Variants in LRIG3 observed in about 807,000 individuals in gnomAD.
LRIG3 encodes leucine rich repeats and immunoglobulin like domains 3, also known as leucine-rich repeats and immunoglobulin-like domains protein 3.
Under a neutral mutation model 114.5 loss-of-function variants are expected in LRIG3, and 76 were observed. The ratio of observed to expected loss-of-function variants is 0.66; its 90% CI spans 0.55 to 0.80. The LOEUF is 0.80. Ranked by LOEUF, LRIG3 falls within the 30% of genes least tolerant of loss-of-function variation. The pLI, the probability that LRIG3 is intolerant of heterozygous loss-of-function variation, is 0.00. For synonymous variants in LRIG3, 512 were observed against 519.8 expected, an observed-to-expected ratio of 0.98 and a Z score of 0.20; for missense variants, 1,239 against 1,382.8, an observed-to-expected ratio of 0.90 and a Z score of 1.65.
At chr12:58,896,329 A>G (rs951774262) in intron 3 of LRIG3, among the ~76,000 whole-genome samples, 1 of 152,220 alleles carries the variant, frequency 6.6e-6, no homozygotes, top group Non-Finnish European at 1.5e-5. Flanking sequence ...AAGTGTCTCA[A>G]AAGAACCTTC....
At position 58,872,710 on chromosome 12, in the gene LRIG3, GGAA is replaced by G; in HGVS notation, c.3219_3221del (p.Ser1074del). ...CCTCTGACCCAGAGTCCAAGTCTGG[GGAA>G]GAATGAGCTTTCAAATAAAAGGCTC... On this transcript the variant is annotated inframe_deletion, in exon 19 of 19. Coordinates refer to ENST00000320743, the MANE Select transcript of LRIG3 (RefSeq NM_153377.5). The G allele has an allele frequency of 6.2e-7, 1 of 1,614,044 alleles. No individual in the cohort carries two copies. The highest frequency in any genetic ancestry group is 8.5e-7 in the Non-Finnish European group (1 of 1,179,970).
In LRIG3 at chr12:58,883,568, A is replaced by C. The variant is rs1332820205; in HGVS notation, c.1268T>G (p.Met423Arg). 4 of 1,551,696 alleles carry C rather than the reference A, an allele frequency of 2.6e-6. No homozygotes were observed. Among genetic ancestry groups the C allele is most frequent in the Non-Finnish European group, 3.5e-6 (4 of 1,136,012 alleles). The change falls in exon 11 of 19, where the codon ATG (methionine) becomes AGG (arginine). Residue 423 changes from methionine (M) to arginine (R), a missense_variant. Met to Arg is a moderately conservative substitution (Grantham distance 91). Coordinates refer to ENST00000320743, the MANE Select transcript of LRIG3 (RefSeq NM_153377.5). The stretch of plus-strand genomic sequence containing the variant: ...TGAAAATGCATTGCCTTGTAAAGAC[A>C]TGATTGCGTTGTCACTCAGGTCTCT... ...EHLDLSDNAI[M>R]SLQGNAFSQM...
intron 16 of LRIG3, 23 bp downstream of exon 16, chr12:58,876,422 C>T (rs1870917672): frequency 3.7e-6 from 6 of 1,610,074 alleles, no homozygotes; most frequent in Non-Finnish European, 5.1e-6. Context: ...CAATTACAGC[C>T]CACATTCATT....
chr12:58,886,658 C>T (rs1430643450), intron 9 of LRIG3, 152 bp downstream of exon 9: 1 of 562,454 alleles, frequency 1.8e-6, no homozygotes, highest in Non-Finnish European at 3.1e-6. Flanking sequence ...TCTTGCGCAA[C>T]AGCAGGCATT....
At chr12:58,914,920 CTGA>C (rs368379987) in intron 1 of LRIG3, among the ~76,000 whole-genome samples, 1 of 152,238 alleles carries the variant, frequency 6.6e-6, no homozygotes, top group Non-Finnish European at 1.5e-5. Context: ...ATATCAATAT[CTGA>C]TAATATAAAA....
intron 3 of LRIG3, among the ~76,000 whole-genome samples, chr12:58,908,243 T>C (rs1872141014): frequency 6.6e-6 from 1 of 152,192 alleles, no homozygotes; most frequent in South Asian, 2.1e-4. Context: ...ACCAGCAAGG[T>C]ACTTTATGTA....
Position 58,890,024 on chromosome 12 carries a change from T to C in LRIG3, c.631A>G (p.Met211Val). The C allele has an allele frequency of 2.5e-6, 4 of 1,613,806 alleles. No homozygotes were observed. The highest frequency in any genetic ancestry group is 3.4e-6 in the Non-Finnish European group (4 of 1,179,794). ...TGTTGCAGTTGGGGCAGTTTAAACA[T>C]CTTGGGTGGGATAGCTGAGATTCGG... ...RNRISAIPPK[M>V]FKLPQLQHLE... Residue 211 changes from methionine (M) to valine (V), a missense_variant, in exon 5 of 19, where the codon ATG becomes GTG. Physicochemically the swap from Met to Val is conservative, Grantham distance 21 (BLOSUM62 1). Transcript: ENST00000320743.
chr12:58,903,490 A>G (rs1049466588), intron 3 of LRIG3, among the ~76,000 whole-genome samples: 16 of 152,126 alleles, frequency 1.1e-4, no homozygotes, highest in African/African-American at 3.9e-4. Context: ...AGTAGGTTGC[A>G]AAAATTTTCT....
rs772315697 is a variant in LRIG3 at position 58,914,051 on chromosome 12, A to C, written c.314T>G (p.Leu105Arg). The stretch of plus-strand genomic sequence containing the variant: ...AATGGTCTCCAATTCATTGTTGTTC[A>C]GTTTCCTACAAATGCCAAAAAAAAA... ...SHLQSLREVK[L>R]NNNELETIPN... Residue 105 changes from leucine (L) to arginine (R), a missense_variant, in exon 3 of 19, where the codon CTG (leucine) becomes CGG (arginine). Physicochemically the swap from Leu to Arg is moderately radical, Grantham distance 102 (BLOSUM62 -2). Transcript: ENST00000320743. 6.2e-7 allele frequency: 1 copy of C among 1,603,348 alleles called. No individual in the cohort carries two copies. Among genetic ancestry groups the C allele is most frequent in the Non-Finnish European group, 8.5e-7 (1 of 1,177,762 alleles).
chr12:58,879,062 T>G lies in LRIG3; in HGVS notation c.1845A>C (p.Arg615=), dbSNP rs748931667. The G allele has an allele frequency of 6.2e-7, 1 of 1,613,960 alleles. No individual in the cohort carries two copies. Among genetic ancestry groups the G allele is most frequent in the South Asian group, 1.1e-5 (1 of 91,060 alleles). The change falls in exon 14 of 19, where the codon CGA becomes CGC. Residue 615 remains arginine (R), a synonymous_variant. Coordinates refer to ENST00000320743, the MANE Select transcript of LRIG3 (RefSeq NM_153377.5). The part of the protein sequence containing the change: ...FTKTPMDLTI[R]AGAMARLECA... ...ACTCCAAGCGTGCCATGGCCCCAGC[T>G]CGGATGGTGAGATCCATGGGGGTCT...
intron 3 of LRIG3, among the ~76,000 whole-genome samples, chr12:58,904,224 AC>A (rs1299816182): frequency 2.6e-5 from 4 of 152,116 alleles, no homozygotes; most frequent in Non-Finnish European, 4.4e-5. Flanking sequence ...AGGACCCTGA[AC>A]CTCTGCCCTA....
rs771630854 is a variant in LRIG3 at position 58,877,835 on chromosome 12, G to A, written c.2101C>T (p.Arg701Trp). ...GTTACAGTTCGGTCCAACAGTGGCC[G>A]CAAAAATGATGGTGTTTCTGAAATA... Reference protein sequence around the residue: ...LTVLETPSFLRPLLDRTVTKG... With the variant: ...LTVLETPSFLWPLLDRTVTKG... Residue 701 changes from arginine (R) to tryptophan (W), a missense_variant, in exon 15 of 19, where the codon CGG becomes TGG. Physicochemically the swap from Arg to Trp is moderately radical, Grantham distance 101 (BLOSUM62 -3). Transcript: ENST00000320743. 3.8e-6 allele frequency: 6 copies of A among 1,595,928 alleles called. No individual in the cohort carries two copies. Among genetic ancestry groups the A allele is most frequent in the South Asian group, 1.1e-5 (1 of 90,144 alleles).
chr12:58,872,856 C>T (rs1339473097), intron 18 of LRIG3, 40 bp from the exon 19 acceptor site: 1 of 1,583,792 alleles, frequency 6.3e-7, no homozygotes, highest in Non-Finnish European at 8.6e-7. Flanking sequence ...GGTCCCTTTG[C>T]TAGCATGTGA....
At chr12:58,881,421 A>AG (rs1871124587) in intron 12 of LRIG3, among the ~76,000 whole-genome samples, 1 of 113,542 alleles carries the variant, frequency 8.8e-6, no homozygotes, top group Admixed American at 9.3e-5. Context: ...AGGTAGAGGC[A>AG]AAAAAAAAAA....
At position 58,886,860 on chromosome 12, in the gene LRIG3, A is replaced by G; in HGVS notation, c.1122T>C (p.Thr374=). The change falls in exon 9 of 19, where the codon ACT becomes ACC. Residue 374 remains threonine (T), a synonymous_variant. Coordinates refer to ENST00000320743, the MANE Select transcript of LRIG3 (RefSeq NM_153377.5). The part of the protein sequence containing the change: ...LDLKNNEISW[T]IEDMNGAFSG... ...AGAAAGCACCATTCATGTCTTCAATAGTCCAGGAAATTTCATTGTTCTTCA... is the reference window on the plus strand; with the variant it reads ...AGAAAGCACCATTCATGTCTTCAATGGTCCAGGAAATTTCATTGTTCTTCA... 1 of 1,613,604 alleles carries G rather than the reference A, an allele frequency of 6.2e-7. No homozygotes were observed. The highest frequency in any genetic ancestry group is 1.3e-5 in the African/African-American group (1 of 75,016).
rs1409461751 is a variant in LRIG3, at chr12:58,878,866, T to TG, written c.2040dup (p.Ser681GlnfsTer47). On this transcript the variant is annotated frameshift_variant, in exon 14 of 19. Coordinates refer to ENST00000320743, the MANE Select transcript of LRIG3 (RefSeq NM_153377.5). LOFTEE classifies it high-confidence loss of function. ...GCATTTGCTGAAATACTTCCTGCAC[T>TG]GTTCTGAGCTGTGCAGCTGTATACC... The TG allele has an allele frequency of 6.2e-7, 1 of 1,614,210 alleles. No homozygotes were observed. Among genetic ancestry groups the TG allele is most frequent in the Non-Finnish European group, 8.5e-7 (1 of 1,180,018 alleles).
intron 3 of LRIG3, among the ~76,000 whole-genome samples, chr12:58,906,614 T>G (rs1872076342): frequency 6.6e-6 from 1 of 152,166 alleles, no homozygotes; most frequent in Non-Finnish European, 1.5e-5. Flanking sequence ...ATTGCAGATC[T>G]GATTTGTGAT....
intron 5 of LRIG3, 54 bp downstream of exon 5, chr12:58,889,942 C>A: frequency 6.3e-7 from 1 of 1,582,066 alleles, no homozygotes; most frequent in Non-Finnish European, 8.6e-7. Flanking sequence ...AAGGAAAAGA[C>A]ACCAAGGGTT....
At position 58,915,303 on chromosome 12, in the gene LRIG3, G is replaced by T. The variant is rs569336470; in HGVS notation, c.237-967C>A. Among the ~76,000 whole-genome samples the T allele has an allele frequency of 7.2e-5, 11 of 152,188 alleles. No homozygotes were observed. The South Asian group carries it at 1.7e-3, about 23-fold the overall frequency. ...ATGGCTTGAAGCTTCCCACTGAAAG[G>T]GTTATCCAACCCATACTAATTTTTT... On this transcript the variant is annotated intron_variant, in intron 1 of 18. Coordinates refer to ENST00000320743, the MANE Select transcript of LRIG3 (RefSeq NM_153377.5).
Sources: gnomAD v4.1 joint callset for allele counts (sites outside exome capture counted in the v4.1 genomes callset) on GRCh38, gnomAD v4.1.1 for gene constraint, MANE v1.5 for transcripts, NCBI Gene and HGNC (gene_info 2026-07-23, HGNC 2026-07-21) for gene names.